GALNT18: variants seen among roughly 807,000 people sequenced by gnomAD.
GALNT18 encodes polypeptide N-acetylgalactosaminyltransferase 18, also known as GalNAc-transferase 18.
In GALNT18, 44 loss-of-function variants were observed where a neutral mutation model predicts 69.5. That is an observed-to-expected ratio of 0.63 (90% CI 0.50 to 0.81). GALNT18 has a LOEUF of 0.81. GALNT18 is among the 40% of genes least tolerant of loss of function. The pLI, the probability that GALNT18 is intolerant of heterozygous loss-of-function variation, is 0.00. For missense variants in GALNT18, 715 were observed against 810.0 expected, an observed-to-expected ratio of 0.88 and a Z score of 1.42; for synonymous variants, 364 against 318.2, an observed-to-expected ratio of 1.14 and a Z score of -1.53.
At chr11:11,394,046 C>T (rs1422131052) in intron 3 of GALNT18, among the ~76,000 whole-genome samples, 2 of 152,172 alleles carry the variant, frequency 1.3e-5, no homozygotes, top group African/African-American at 2.4e-5. Flanking sequence ...AAGAAACTCG[C>T]AGTTTAGTGG....
intron 1 of GALNT18, among the ~76,000 whole-genome samples, chr11:11,552,964 T>C (rs1245565076): frequency 6.6e-6 from 1 of 152,164 alleles, no homozygotes; most frequent in Non-Finnish European, 1.5e-5. Context: ...CAGCTTCCCA[T>C]GCAAGGGTCT....
chr11:11,389,318 G>A lies in GALNT18; in HGVS notation c.596-10054C>T, dbSNP rs534173645. Among the ~76,000 whole-genome samples the A allele has an allele frequency of 2.1e-4, 32 of 152,268 alleles. No homozygotes were observed. The highest frequency in any genetic ancestry group is 1.4e-3 in the Admixed American group (21 of 15,290). On this transcript the variant is annotated intron_variant, in intron 3 of 10. Coordinates refer to ENST00000227756, the MANE Select transcript of GALNT18 (RefSeq NM_198516.3). The surrounding 1 kb of genome is among the most constrained non-coding windows in gnomAD (Gnocchi z 4.3). ...GCTCTTCCCCTGGGACCATAACTCC[G>A]TGTCCTCTATTTGTCCACCTTGAGT...
In GALNT18 at chr11:11,421,266, A is replaced by T. The variant is rs1181701021; in HGVS notation, c.595+11355T>A. Among the ~76,000 whole-genome samples, 1 of 152,156 alleles carries T rather than the reference A, an allele frequency of 6.6e-6. No homozygotes were observed. Among genetic ancestry groups the T allele is most frequent in the African/African-American group, 2.4e-5 (1 of 41,422 alleles). On this transcript the variant is annotated intron_variant, in intron 3 of 10. Coordinates refer to ENST00000227756, the MANE Select transcript of GALNT18 (RefSeq NM_198516.3). The surrounding 1 kb of genome is among the most constrained non-coding windows in gnomAD (Gnocchi z 5.6). ...AGCAGAGAAGAGGCTGGCAACATGC[A>T]GGACTAGAGCTGGAGAAATGGATTG...
chr11:11,361,013 A>T (rs757867732), intron 6 of GALNT18, among the ~76,000 whole-genome samples: 116 of 152,230 alleles, frequency 7.6e-4, no homozygotes, highest in Non-Finnish European at 1.5e-3. Context: ...ATTCTGTTTA[A>T]GCTCATGACT....
chr11:11,576,264 G>T (rs773064789), intron 1 of GALNT18, among the ~76,000 whole-genome samples: 2 of 152,210 alleles, frequency 1.3e-5, no homozygotes, highest in Non-Finnish European at 2.9e-5. Context: ...GACCCTCATC[G>T]CTGCTCACCA....
In GALNT18 at chr11:11,319,789, A is replaced by C. The variant is rs76166390; in HGVS notation, c.1512+7297T>G. Reference sequence around the variant, plus strand: ...ATCCTTATACTTTGGAAGGAGTTTTAACGTCCCCCTTAAATCTGTTCTCTT... The same window carrying C: ...ATCCTTATACTTTGGAAGGAGTTTTCACGTCCCCCTTAAATCTGTTCTCTT... On this transcript the variant is annotated intron_variant, in intron 9 of 10. Transcript: ENST00000227756. 6.2e-3 allele frequency among the ~76,000 whole-genome samples: 943 copies of C among 152,328 alleles called. 3 individuals are homozygous for C. The highest frequency in any genetic ancestry group is 0.017 in the Middle Eastern group (5 of 294).
chr11:11,312,859 C>T (rs1849692937), intron 9 of GALNT18, among the ~76,000 whole-genome samples: 1 of 152,162 alleles, frequency 6.6e-6, no homozygotes, highest in Non-Finnish European at 1.5e-5. Context: ...TTCCCTGTGC[C>T]AGGCGGTGCA....
rs1850126970 is a variant in GALNT18, at chr11:11,337,092, C to T, written c.1278+3727G>A. Among the ~76,000 whole-genome samples, 1 of 152,124 alleles carries T rather than the reference C, an allele frequency of 6.6e-6. No individual in the cohort carries two copies. The highest frequency in any genetic ancestry group is 1.5e-5 in the Non-Finnish European group (1 of 68,014). On this transcript the variant is annotated intron_variant, in intron 7 of 10. Transcript: ENST00000227756. The surrounding 1 kb of genome is among the most constrained non-coding windows in gnomAD (Gnocchi z 4.9). ...CCACCCTAAACTCTCATCTGGAGGG[C>T]TTTTTGTAGATTCTGGCACCTACCG...
rs1855594442 is a variant in GALNT18, at chr11:11,444,161, C to T, written c.428+4583G>A. Among the ~76,000 whole-genome samples the T allele has an allele frequency of 6.6e-6, 1 of 152,124 alleles. No homozygotes were observed. The highest frequency in any genetic ancestry group is 6.5e-5 in the Admixed American group (1 of 15,278). ...TGCCTTGCAGATGCCACCCTCCAGG[C>T]CCCGCCTCCCTGCCACAGAGAGGTG... is the stretch of plus-strand genomic sequence containing the variant. On this transcript the variant is annotated intron_variant, in intron 2 of 10. Coordinates refer to ENST00000227756, the MANE Select transcript of GALNT18 (RefSeq NM_198516.3). This position sits in a 1 kb window ranked among gnomAD's most constrained non-coding sequence, Gnocchi z 4.4.
At chr11:11,417,021 C>T (rs1854882267) in intron 3 of GALNT18, among the ~76,000 whole-genome samples, 1 of 152,238 alleles carries the variant, frequency 6.6e-6, no homozygotes, top group Non-Finnish European at 1.5e-5. Context: ...TTCTCAGGCA[C>T]TGGCCACATC....
At chr11:11,365,545 G>C (rs1018549302) in intron 6 of GALNT18, among the ~76,000 whole-genome samples, 3 of 152,078 alleles carry the variant, frequency 2.0e-5, no homozygotes, top group Non-Finnish European at 4.4e-5. Context: ...TGGTGTTTCT[G>C]GTTGTAAACC....
chr11:11,382,252 A>G lies in GALNT18; in HGVS notation c.596-2988T>C, dbSNP rs1853939233. 6.6e-6 allele frequency among the ~76,000 whole-genome samples: 1 copy of G among 152,178 alleles called. No homozygotes were observed. The highest frequency in any genetic ancestry group is 2.4e-5 in the African/African-American group (1 of 41,436). On this transcript the variant is annotated intron_variant, in intron 3 of 10. Transcript: ENST00000227756. This position sits in a 1 kb window ranked among gnomAD's most constrained non-coding sequence, Gnocchi z 4.3. ...ATCCAAAAAAGAAAATAAAGAAGAA[A>G]CAAAATGCCTTGAAGTACCCTAGAT...
intron 1 of GALNT18, among the ~76,000 whole-genome samples, chr11:11,490,566 G>T (rs1466530332): frequency 6.6e-6 from 1 of 152,134 alleles, no homozygotes; most frequent in Admixed American, 6.5e-5. Flanking sequence ...GAAATGAATG[G>T]AGGCTCAGTG....
intron 1 of GALNT18, among the ~76,000 whole-genome samples, chr11:11,578,788 T>A (rs893594399): frequency 6.6e-6 from 1 of 152,142 alleles, no homozygotes; most frequent in Non-Finnish European, 1.5e-5. Context: ...GCAAAATCAA[T>A]GAAGGGGAGA....
chr11:11,342,794 A>G (rs1043044541), intron 6 of GALNT18, among the ~76,000 whole-genome samples: 2 of 152,180 alleles, frequency 1.3e-5, no homozygotes, highest in African/African-American at 4.8e-5. Flanking sequence ...CATGCCTACT[A>G]TGTGACCTTG....
chr11:11,509,312 A>AT (rs1382882775), intron 1 of GALNT18, among the ~76,000 whole-genome samples: 1 of 152,230 alleles, frequency 6.6e-6, no homozygotes, highest in Non-Finnish European at 1.5e-5. Flanking sequence ...CCAAAGAAAG[A>AT]TTTTTTAAAC....
At chr11:11,521,929 G>A (rs960400415) in intron 1 of GALNT18, among the ~76,000 whole-genome samples, 4 of 152,190 alleles carry the variant, frequency 2.6e-5, no homozygotes, top group African/African-American at 7.2e-5. Context: ...ACCCCATAAA[G>A]GAAGCACAGA....
chr11:11,429,892 C>G (rs907329146), intron 3 of GALNT18, among the ~76,000 whole-genome samples: 1 of 152,194 alleles, frequency 6.6e-6, no homozygotes, highest in Non-Finnish European at 1.5e-5. Flanking sequence ...GTAATCCCAA[C>G]AATTTGGGAG....
intron 10 of GALNT18, among the ~76,000 whole-genome samples, chr11:11,281,953 G>A (rs1319452144): frequency 6.6e-6 from 1 of 152,082 alleles, no homozygotes; most frequent in Non-Finnish European, 1.5e-5. Context: ...GTAAGGCCAT[G>A]GTGGGGCATC....
Sources: gnomAD v4.1 joint callset for allele counts (sites outside exome capture counted in the v4.1 genomes callset) on GRCh38, gnomAD v4.1.1 for gene constraint, Gnocchi (gnomAD v3.1) non-coding constraint, MANE v1.5 for transcripts, NCBI Gene and HGNC (gene_info 2026-07-23, HGNC 2026-07-21) for gene names.